CFAP206: variants seen among roughly 807,000 people sequenced by gnomAD.
The protein encoded by CFAP206 is cilia and flagella associated protein 206, also known as cilia- and flagella-associated protein 206.
A neutral mutation model predicts 65.4 loss-of-function variants in CFAP206; 53 were observed. The ratio of observed to expected loss-of-function variants is 0.81; its 90% confidence interval spans 0.65 to 1.02. CFAP206 has a LOEUF of 1.02. Among genes scored for constraint, CFAP206 ranks in the 50% least tolerant of loss-of-function variants. CFAP206 has a pLI of 0.00. For synonymous variants in CFAP206, 250 were observed against 254.4 expected, an observed-to-expected ratio of 0.98 and a Z score of 0.17; for missense variants, 663 against 753.2, an observed-to-expected ratio of 0.88 and a Z score of 1.40.
intron 1 of CFAP206, chr6:87,408,875 G>A (rs1419833108): frequency 6.6e-6 from 1 of 152,190 alleles, no homozygotes; most frequent in Non-Finnish European, 1.5e-5. Flanking sequence ...CCATTGGAAA[G>A]CTAATAATGC....
At chr6:87,439,523 ATTCT>A (rs1434204939) in intron 11 of CFAP206, among the ~76,000 whole-genome samples, 1 of 151,974 alleles carries the variant, frequency 6.6e-6, no homozygotes, top group Admixed American at 6.6e-5. Context: ...TTATGTTTTC[ATTCT>A]TTTTGTGGTG....
At chr6:87,455,259 A>G (rs892504140) in intron 11 of CFAP206, among the ~76,000 whole-genome samples, 1 of 152,188 alleles carries the variant, frequency 6.6e-6, no homozygotes, top group African/African-American at 2.4e-5. Context: ...TGGAAATTAA[A>G]CAATACGCTC....
chr6:87,420,793 C>T (rs1046309224), intron 7 of CFAP206, among the ~76,000 whole-genome samples: 3 of 152,172 alleles, frequency 2.0e-5, no homozygotes, highest in Admixed American at 1.3e-4. Flanking sequence ...CCTTGCTGCT[C>T]ACGTTGTTGA....
chr6:87,410,222 G>A (rs1010877372), intron 2 of CFAP206, among the ~76,000 whole-genome samples: 9 of 152,124 alleles, frequency 5.9e-5, no homozygotes, highest in African/African-American at 1.4e-4. Context: ...TTTGTTTGCC[G>A]TTGTTAAAAA....
chr6:87,431,791 A>G (rs899948762), intron 10 of CFAP206, among the ~76,000 whole-genome samples: 1 of 152,200 alleles, frequency 6.6e-6, no homozygotes, highest in South Asian at 2.1e-4. Context: ...ATGTTACACA[A>G]CATTACTAAA....
At chr6:87,449,645 C>G (rs1047696691) in intron 11 of CFAP206, among the ~76,000 whole-genome samples, 12 of 152,002 alleles carry the variant, frequency 7.9e-5, no homozygotes, top group Non-Finnish European at 1.8e-4. Flanking sequence ...CTCTTCAGAT[C>G]ATTTGCCCAT....
Position 87,426,621 on chromosome 6 carries a change from A to C in CFAP206, c.936A>C (p.Ile312=), listed in dbSNP as rs772793482. The part of the protein sequence containing the change: ...EQLKMTIKSK[I]AVPTSQVFPI... ...TAAAAATGACCATAAAATCAAAGAT[A>C]GCGGTCCCAACATCACAAGTCTTTG... The change falls in exon 8 of 13, where the codon ATA becomes ATC. Residue 312 remains isoleucine, a synonymous_variant. Transcript: ENST00000369562. 1.9e-6 allele frequency: 3 copies of C among 1,593,066 alleles called. No homozygotes were observed.
chr6:87,418,085 T>C, intron 6 of CFAP206, 123 bp from the exon 7 acceptor site: 1 of 841,294 alleles, frequency 1.2e-6, no homozygotes, highest in Non-Finnish European at 1.9e-6. Context: ...GCCTCATTAT[T>C]ACTAATTTGA....
intron 11 of CFAP206, among the ~76,000 whole-genome samples, chr6:87,452,922 A>G (rs193251218): frequency 6.6e-6 from 1 of 152,246 alleles, no homozygotes; most frequent in East Asian, 1.9e-4. Flanking sequence ...ATTCAAAGAG[A>G]TATTAACAAA....
At chr6:87,410,402 T>C (rs1244045308) in intron 2 of CFAP206, among the ~76,000 whole-genome samples, 183 bp from the exon 3 acceptor site, 7 of 152,204 alleles carry the variant, frequency 4.6e-5, no homozygotes, top group Admixed American at 4.6e-4. Context: ...GTTGCTTCCT[T>C]TTTTCAACCT....
chr6:87,439,434 T>C (rs1472043826), intron 11 of CFAP206, among the ~76,000 whole-genome samples: 1 of 152,098 alleles, frequency 6.6e-6, no homozygotes, highest in Non-Finnish European at 1.5e-5. Flanking sequence ...TTGCAGGAAG[T>C]GTTTTTTCAA....
At chr6:87,411,209 A>G (rs111752562) in intron 3 of CFAP206, among the ~76,000 whole-genome samples, 11 of 152,088 alleles carry the variant, frequency 7.2e-5, no homozygotes, top group Non-Finnish European at 1.5e-4. Flanking sequence ...AATGTCTTAC[A>G]TTGCAAACAT....
intron 10 of CFAP206, among the ~76,000 whole-genome samples, chr6:87,434,258 G>A (rs1768212501): frequency 1.3e-5 from 2 of 152,010 alleles, no homozygotes; most frequent in Middle Eastern, 3.2e-3. Context: ...TAGCTAGGTT[G>A]GGAGACACAT....
intron 8 of CFAP206, among the ~76,000 whole-genome samples, chr6:87,427,350 A>G (rs1291019274): frequency 2.0e-5 from 3 of 152,130 alleles, no homozygotes; most frequent in Non-Finnish European, 4.4e-5. Context: ...TGTGTTAGCC[A>G]GGATGGTCTT....
chr6:87,421,189 T>A (rs1767934509), intron 7 of CFAP206, among the ~76,000 whole-genome samples: 1 of 152,178 alleles, frequency 6.6e-6, no homozygotes, highest in Non-Finnish European at 1.5e-5. Flanking sequence ...GTGAACATTT[T>A]AAAAATCCAA....
At chr6:87,420,053 G>C (rs1478785092) in intron 7 of CFAP206, among the ~76,000 whole-genome samples, 2 of 151,934 alleles carry the variant, frequency 1.3e-5, no homozygotes, top group African/African-American at 4.8e-5. Flanking sequence ...CTCCAGCTTG[G>C]GTAGCCAAGG....
intron 8 of CFAP206, 30 bp from the exon 9 acceptor site, chr6:87,428,596 C>G: frequency 6.3e-7 from 1 of 1,577,808 alleles, no homozygotes; most frequent in Non-Finnish European, 8.7e-7. Context: ...TACACAGTTG[C>G]ATTTTGAATA....
chr6:87,443,312 C>G (rs79349767), intron 11 of CFAP206, among the ~76,000 whole-genome samples: 463 of 152,188 alleles, frequency 3.0e-3, no homozygotes, highest in African/African-American at 0.011. Flanking sequence ...GTCTTTTAAA[C>G]TCCAGATATT....
intron 11 of CFAP206, among the ~76,000 whole-genome samples, chr6:87,444,125 T>A (rs1342126921): frequency 6.6e-6 from 1 of 152,222 alleles, no homozygotes; most frequent in Non-Finnish European, 1.5e-5. Flanking sequence ...AAGAGACTTT[T>A]AAAATTTGTT....
Sources: gnomAD v4.1 joint callset for allele counts (sites outside exome capture counted in the v4.1 genomes callset) on GRCh38, gnomAD v4.1.1 for gene constraint, MANE v1.5 for transcripts, NCBI Gene and HGNC (gene_info 2026-07-23, HGNC 2026-07-21) for gene names.